DAB1: variants seen among roughly 807,000 people sequenced by gnomAD.
The protein encoded by DAB1 is DAB adaptor protein 1.
DAB1 carries 15 observed loss-of-function variants against 64.6 expected under a neutral mutation model. That is an observed-to-expected ratio of 0.23 (90% confidence interval 0.16 to 0.36). The LOEUF is 0.36. Ranked by LOEUF, DAB1 falls within the 10% of genes least tolerant of loss-of-function variation. The pLI is 1.00. For synonymous variants in DAB1, 235 were observed against 251.9 expected, an observed-to-expected ratio of 0.93 and a Z score of 0.64; for missense variants, 596 against 706.7, an observed-to-expected ratio of 0.84 and a Z score of 1.78.
intron 4 of DAB1, 98 bp from the exon 5 acceptor site, chr1:57,072,512 G>T (rs550686487): frequency 1.5e-6 from 2 of 1,355,230 alleles, no homozygotes; most frequent in Middle Eastern, 1.9e-4. Context: ...GAACAGGCCC[G>T]AAGGGCTTTG....
intron 7 of DAB1, among the ~76,000 whole-genome samples, chr1:57,438,260 AT>A (rs1685770508): frequency 6.6e-6 from 1 of 152,152 alleles, no homozygotes; most frequent in Admixed American, 6.5e-5. Context: ...GCTAATAATA[AT>A]TTGCATGTGT....
At chr1:57,631,119 TG>T (rs1645984230) in intron 7 of DAB1, among the ~76,000 whole-genome samples, 1 of 152,028 alleles carries the variant, frequency 6.6e-6, no homozygotes, top group African/African-American at 2.4e-5. Context: ...TTTTCTTTGG[TG>T]GGGGTGGGCA....
At chr1:57,214,910 CAAAAAAAAAAA>C (rs56175448) in intron 2 of DAB1, among the ~76,000 whole-genome samples, 25 of 58,744 alleles carry the variant, frequency 4.3e-4, no homozygotes, top group African/African-American at 1.3e-3. Flanking sequence ...GATTCCCTCT[CAAAAAAAAAAA>C]AAAAAAAAAG....
chr1:58,280,355 G>A (rs1227454278), intron 4 of DAB1, among the ~76,000 whole-genome samples: 1 of 152,196 alleles, frequency 6.6e-6, no homozygotes, highest in South Asian at 2.1e-4. Flanking sequence ...AGCCTAGCAT[G>A]GGGATCATCA....
At chr1:57,428,399 G>A (rs1045330689), upstream of DAB1, among the ~76,000 whole-genome samples, 1 of 152,118 alleles carries the variant, frequency 6.6e-6, no homozygotes, top group Admixed American at 6.5e-5. Flanking sequence ...ACATACAAAT[G>A]AGAACATGCA....
At chr1:57,746,171 T>C (rs1648258495) in intron 6 of DAB1, among the ~76,000 whole-genome samples, 1 of 152,188 alleles carries the variant, frequency 6.6e-6, no homozygotes, top group Non-Finnish European at 1.5e-5. Context: ...CATGCACATG[T>C]CCATAATATT....
At chr1:57,405,128 G>C (rs17115757) in intron 1 of DAB1, among the ~76,000 whole-genome samples, 16,689 of 152,150 alleles carry the variant, frequency 0.11, 1,006 homozygotes, top group Admixed American at 0.13. Flanking sequence ...TATGCCCTTG[G>C]TAGCAGAACA....
chr1:57,478,502 T>A (rs1159692205), intron 7 of DAB1, among the ~76,000 whole-genome samples: 1 of 152,028 alleles, frequency 6.6e-6, no homozygotes, highest in Non-Finnish European at 1.5e-5. Flanking sequence ...GTGCCTACTA[T>A]ATGCAAGTGA....
chr1:58,264,355 C>T (rs959837938), intron 4 of DAB1, among the ~76,000 whole-genome samples: 10 of 152,190 alleles, frequency 6.6e-5, no homozygotes, highest in Non-Finnish European at 1.2e-4. Flanking sequence ...ATAATTAGAT[C>T]CTGTCTGTAA....
chr1:58,319,109 T>A (rs1662623901), intron 4 of DAB1, among the ~76,000 whole-genome samples: 1 of 150,698 alleles, frequency 6.6e-6, no homozygotes, highest in Non-Finnish European at 1.5e-5. Flanking sequence ...TGAACTATAG[T>A]GGGGAGTGGT....
At chr1:58,048,708 A>G (rs529434098) in intron 5 of DAB1, 2 of 1,323,154 alleles carry the variant, frequency 1.5e-6, no homozygotes, top group South Asian at 2.3e-5. Context: ...GAACCACTTC[A>G]CCTCTTTGGC....
At chr1:57,659,097 T>C (rs1207687534) in intron 6 of DAB1, among the ~76,000 whole-genome samples, 1 of 152,132 alleles carries the variant, frequency 6.6e-6, no homozygotes. Flanking sequence ...CTGATATCTT[T>C]GGTCATGCCT....
intron 5 of DAB1, among the ~76,000 whole-genome samples, chr1:58,018,649 T>G (rs979184893): frequency 1.3e-5 from 2 of 152,238 alleles, no homozygotes; most frequent in South Asian, 4.1e-4. Flanking sequence ...ACTAGGGATT[T>G]ATTTAACAAA....
At chr1:57,160,549 T>C (rs1660647610) in intron 2 of DAB1, among the ~76,000 whole-genome samples, 1 of 152,196 alleles carries the variant, frequency 6.6e-6, no homozygotes, top group Admixed American at 6.5e-5. Flanking sequence ...TGTGCTTCTG[T>C]CATTTGTAAC....
At chr1:57,472,660 AC>A (rs1224086313) in intron 7 of DAB1, among the ~76,000 whole-genome samples, 2 of 151,664 alleles carry the variant, frequency 1.3e-5, no homozygotes, top group African/African-American at 4.8e-5. Flanking sequence ...TCTCACGCGC[AC>A]CCCCTTAGAG....
chr1:57,709,591 G>GA (rs979986764), intron 6 of DAB1, among the ~76,000 whole-genome samples: 8 of 151,782 alleles, frequency 5.3e-5, no homozygotes, highest in Admixed American at 1.3e-4. Context: ...ATAGGTGAAA[G>GA]AAAAAAAAGA....
At chr1:58,470,582 T>C (rs555611533) in intron 3 of DAB1, among the ~76,000 whole-genome samples, 247 of 152,308 alleles carry the variant, frequency 1.6e-3, no homozygotes, top group African/African-American at 5.8e-3. Flanking sequence ...GGAGCACAGA[T>C]GTCTGAAGCA....
chr1:57,561,746 T>G (rs1362866683), intron 7 of DAB1, among the ~76,000 whole-genome samples: 2 of 152,158 alleles, frequency 1.3e-5, no homozygotes, highest in East Asian at 3.9e-4. Context: ...AACATGGACT[T>G]CCACTCACCA....
intron 5 of DAB1, among the ~76,000 whole-genome samples, chr1:57,071,871 G>T (rs900540686): frequency 6.6e-6 from 1 of 151,926 alleles, no homozygotes; most frequent in Non-Finnish European, 1.5e-5. Flanking sequence ...AAGCATAAAA[G>T]GCATTGCTTT....
Sources: gnomAD v4.1 joint callset for allele counts (sites outside exome capture counted in the v4.1 genomes callset) on GRCh38, gnomAD v4.1.1 for gene constraint, MANE v1.5 for transcripts, NCBI Gene and HGNC (gene_info 2026-07-23, HGNC 2026-07-21) for gene names.